CNOT6: variants seen among roughly 807,000 people sequenced by gnomAD.
CNOT6 encodes carbon catabolite repression 4 protein.
Under a neutral mutation model 61.2 loss-of-function variants are expected in CNOT6, and 12 were observed. The observed-to-expected ratio is 0.20, with a 90% CI of 0.13 to 0.32. The LOEUF (loss-of-function observed/expected upper bound fraction) is 0.32. CNOT6 is among the 10% of genes least tolerant of loss of function. CNOT6 has a pLI of 1.00. For synonymous variants in CNOT6, 225 were observed against 240.6 expected, an observed-to-expected ratio of 0.94 and a Z score of 0.60; for missense variants, 405 against 663.9, an observed-to-expected ratio of 0.61 and a Z score of 4.28.
intron 1 of CNOT6, among the ~76,000 whole-genome samples, chr5:180,502,417 A>G (rs1217404899): frequency 6.6e-6 from 1 of 152,234 alleles, no homozygotes; most frequent in East Asian, 1.9e-4. Flanking sequence ...ATGTAAACTC[A>G]TAATATTACA....
chr5:180,525,294 T>C (rs1758049899), intron 1 of CNOT6, among the ~76,000 whole-genome samples: 1 of 152,114 alleles, frequency 6.6e-6, no homozygotes, highest in Non-Finnish European at 1.5e-5. Flanking sequence ...CTTAACACTT[T>C]GGGAGGCTGA....
intron 1 of CNOT6, among the ~76,000 whole-genome samples, chr5:180,506,712 A>G (rs1015416059): frequency 1.3e-5 from 2 of 151,954 alleles, no homozygotes; most frequent in African/African-American, 4.8e-5. Context: ...AGTCCTTTCT[A>G]TTTTCTCTAG....
At chr5:180,509,832 T>G (rs1335486571) in intron 1 of CNOT6, among the ~76,000 whole-genome samples, 2 of 150,912 alleles carry the variant, frequency 1.3e-5, no homozygotes, top group African/African-American at 2.4e-5. Context: ...CTTGGTGTTT[T>G]TTTTTTTTTT....
chr5:180,522,468 A>G (rs1300248213), intron 1 of CNOT6, among the ~76,000 whole-genome samples: 1 of 152,088 alleles, frequency 6.6e-6, no homozygotes, highest in Non-Finnish European at 1.5e-5. Context: ...ACAATGGCTA[A>G]ACTAATTACA....
intron 1 of CNOT6, among the ~76,000 whole-genome samples, chr5:180,526,395 G>T (rs1322170621): frequency 6.6e-6 from 1 of 152,196 alleles, no homozygotes; most frequent in Admixed American, 6.5e-5. Context: ...GAATGAGGGG[G>T]TGGATCGAAT....
At position 180,561,943 on chromosome 5, in the gene CNOT6, G is replaced by C. The variant is rs113769116; in HGVS notation, c.386-2546G>C. 6.1e-3 allele frequency among the ~76,000 whole-genome samples: 934 copies of C among 152,322 alleles called. 10 individuals carry two copies. Among genetic ancestry groups the C allele is most frequent in the African/African-American group, 0.022 (899 of 41,564 alleles). On this transcript the variant is annotated intron_variant, in intron 4 of 11. Coordinates refer to ENST00000261951, the MANE Select transcript of CNOT6 (RefSeq NM_001370472.1). ...CCTCTCCACTTGCTCATGCTGGCAT[G>C]GGTAGAGATGGGACCACGTTTTTTT...
In CNOT6 at chr5:180,574,964, G is replaced by A. The variant is rs1760942048; in HGVS notation, c.*764G>A. On this transcript the variant is annotated 3_prime_UTR_variant, in exon 12 of 12. Coordinates refer to ENST00000261951, the MANE Select transcript of CNOT6 (RefSeq NM_001370472.1). ...GAATTTTTATGAAAACTATCTACTA[G>A]GACAGATAAGCTGAACAGTGATGAT... The A allele has an allele frequency of 6.6e-6, 1 of 152,638 alleles. No individual in the cohort carries two copies. The highest frequency in any genetic ancestry group is 2.4e-5 in the African/African-American group (1 of 41,430). 9.5% of individuals were successfully genotyped at this position (152,638 alleles called of 1,614,324 possible). A position where few individuals can be genotyped will look rare whatever the true frequency, so the allele number is the denominator to read the frequency against.
chr5:180,496,648 C>A (rs1756626453), intron 1 of CNOT6, among the ~76,000 whole-genome samples: 1 of 152,130 alleles, frequency 6.6e-6, no homozygotes, highest in Non-Finnish European at 1.5e-5. Flanking sequence ...ACCAGCAAAA[C>A]CCTGTCTCAG....
chr5:180,543,423 T>G (rs1267822384), intron 2 of CNOT6, among the ~76,000 whole-genome samples: 1 of 152,210 alleles, frequency 6.6e-6, no homozygotes, highest in Non-Finnish European at 1.5e-5. Context: ...TTTGCTTCAT[T>G]TGTTGTGAAC....
At chr5:180,507,402 C>G (rs1275532453) in intron 1 of CNOT6, among the ~76,000 whole-genome samples, 4 of 152,152 alleles carry the variant, frequency 2.6e-5, no homozygotes, top group Non-Finnish European at 5.9e-5. Context: ...GAGTTCGAGA[C>G]TAGCCTGGCC....
intron 4 of CNOT6, among the ~76,000 whole-genome samples, chr5:180,555,011 T>A (rs1243377224): frequency 7.3e-6 from 1 of 137,486 alleles, no homozygotes. Context: ...ACAAATTTGC[T>A]TTTTTTTTTT....
At chr5:180,566,168 TAAGCTGGG>T (rs1272310698) in intron 7 of CNOT6, among the ~76,000 whole-genome samples, 191 bp downstream of exon 7, 1 of 152,238 alleles carries the variant, frequency 6.6e-6, no homozygotes, top group East Asian at 1.9e-4. Flanking sequence ...GCAAATGTGT[TAAGCTGGG>T]ATTTATGCGT....
intron 1 of CNOT6, among the ~76,000 whole-genome samples, chr5:180,528,249 ACAGT>A (rs1409645021): frequency 6.6e-6 from 1 of 152,212 alleles, no homozygotes; most frequent in Non-Finnish European, 1.5e-5. Flanking sequence ...TCTGTTAAAA[ACAGT>A]CACTCACCTA....
chr5:180,547,804 GC>G (rs1487357506), intron 2 of CNOT6, among the ~76,000 whole-genome samples: 1 of 152,084 alleles, frequency 6.6e-6, no homozygotes, highest in East Asian at 1.9e-4. Context: ...CACCAGCTCA[GC>G]CCACTGCAAC....
At chr5:180,543,959 C>T (rs915705487) in intron 2 of CNOT6, among the ~76,000 whole-genome samples, 2 of 152,016 alleles carry the variant, frequency 1.3e-5, no homozygotes, top group South Asian at 2.1e-4. Context: ...TACAGGCGCC[C>T]GCCACCACGC....
intron 1 of CNOT6, among the ~76,000 whole-genome samples, chr5:180,524,780 T>G (rs1205538525): frequency 2.0e-5 from 3 of 152,198 alleles, no homozygotes; most frequent in African/African-American, 7.2e-5. Context: ...TTCTAATGAT[T>G]AATAGGACAA....
chr5:180,559,844 A>AG (rs1287528294), intron 4 of CNOT6, among the ~76,000 whole-genome samples: 1 of 152,130 alleles, frequency 6.6e-6, no homozygotes, highest in African/African-American at 2.4e-5. Flanking sequence ...TACCAGTTCA[A>AG]GGGAAATATC....
chr5:180,551,945 C>T (rs1451804132), intron 3 of CNOT6, among the ~76,000 whole-genome samples: 1 of 150,794 alleles, frequency 6.6e-6, no homozygotes, highest in Admixed American at 6.6e-5. Flanking sequence ...TCTCGGCTCA[C>T]TGCAACCTCT....
chr5:180,525,133 T>C (rs1758041079), intron 1 of CNOT6, among the ~76,000 whole-genome samples: 1 of 152,218 alleles, frequency 6.6e-6, no homozygotes, highest in African/African-American at 2.4e-5. Flanking sequence ...TTGAAGAAAC[T>C]AACGTATAAG....
Sources: allele counts gnomAD v4.1 joint callset (sites outside exome capture counted in the v4.1 genomes callset), GRCh38; gene constraint gnomAD v4.1.1; transcripts MANE v1.5; gene names NCBI Gene and HGNC (gene_info 2026-07-23, HGNC 2026-07-21).